The following FRMD3 variants were observed in gnomAD, a reference collection of about 807,000 sequenced individuals.
FRMD3 encodes the protein FERM domain containing 3.
Under a neutral mutation model 70.2 loss-of-function variants are expected in FRMD3, and 33 were observed. That is an observed-to-expected ratio of 0.47 (90% confidence interval 0.36 to 0.63). The LOEUF (loss-of-function observed/expected upper bound fraction) is 0.63, where lower values mean the gene tolerates loss of function less well. FRMD3 is among the 20% of genes least tolerant of loss of function. The probability of loss-of-function intolerance (pLI) is 0.00; values close to 1 mark genes in which losing one functional copy is unlikely to be tolerated. For synonymous variants in FRMD3, 279 were observed against 255.9 expected (o/e 1.09, Z -0.86); for missense variants, 632 against 711.4 (o/e 0.89, Z 1.27).
rs940332272 is a variant in FRMD3, at chr9:83,537,109, G to A, written c.147+976C>T. 6.6e-6 allele frequency among the ~76,000 whole-genome samples: 1 copy of A among 151,910 alleles called. No homozygotes were observed. The highest frequency in any genetic ancestry group is 6.6e-5 in the Admixed American group (1 of 15,242). ...GCGCACCGAGTGGGGCATCTTTGGG[G>A]TCCTGGAAGAGGGGCTCCCACCTGC... On this transcript the variant is annotated intron_variant, in intron 1 of 13. Transcript: ENST00000304195. This position sits in a 1 kb window ranked among gnomAD's most constrained non-coding sequence, Gnocchi z 4.1.
intron 13 of FRMD3, among the ~76,000 whole-genome samples, chr9:83,277,229 T>G (rs1833822888): frequency 6.6e-6 from 1 of 152,246 alleles, no homozygotes; most frequent in Non-Finnish European, 1.5e-5. Context: ...AAATAGCATC[T>G]CTAGTATATT....
upstream of FRMD3, among the ~76,000 whole-genome samples, chr9:83,541,303 C>G (rs938762661): frequency 1.3e-5 from 2 of 152,214 alleles, no homozygotes; most frequent in African/African-American, 4.8e-5. Flanking sequence ...TGAATCTGTC[C>G]ATTTGAATTC....
At chr9:83,272,935 T>TCTGCCCGGCAG (rs1833643765) in intron 13 of FRMD3, among the ~76,000 whole-genome samples, 1 of 146,414 alleles carries the variant, frequency 6.8e-6, no homozygotes, top group Non-Finnish European at 1.5e-5. Context: ...GAGGAGCCCC[T>TCTGCCCGGCAG]CCGCCCGGCA....
chr9:83,329,336 A>T (rs1360888366), intron 6 of FRMD3, among the ~76,000 whole-genome samples: 2 of 152,244 alleles, frequency 1.3e-5, no homozygotes, highest in African/African-American at 4.8e-5. Context: ...ACAGGGAGAG[A>T]GATCGATGAC....
At chr9:83,517,555 C>G (rs576857571) in intron 1 of FRMD3, among the ~76,000 whole-genome samples, 1 of 147,266 alleles carries the variant, frequency 6.8e-6, no homozygotes, top group South Asian at 2.2e-4. Flanking sequence ...CGAATTCTAC[C>G]AGAGGTACAA....
intron 1 of FRMD3, among the ~76,000 whole-genome samples, chr9:83,466,588 C>A (rs1177956588): frequency 2.0e-5 from 3 of 152,148 alleles, no homozygotes; most frequent in Non-Finnish European, 4.4e-5. Context: ...CCAAGTCACT[C>A]TCTCAGAGCC....
rs115441397 is a variant in FRMD3, at chr9:83,410,156, T to A, written c.148-20448A>T. On this transcript the variant is annotated intron_variant, in intron 1 of 13. Coordinates refer to ENST00000304195, the MANE Select transcript of FRMD3 (RefSeq NM_174938.6). ...CTTTTTAAATTAATTAATTTACTTT[T>A]AAAAATGATTTCCACATTTATTTTA... Among the ~76,000 whole-genome samples the A allele has an allele frequency of 4.0e-3, 605 of 152,360 alleles. 4 individuals are homozygous for A. The highest frequency in any genetic ancestry group is 0.014 in the African/African-American group (574 of 41,580).
intron 1 of FRMD3, among the ~76,000 whole-genome samples, chr9:83,391,699 A>G (rs1029653564): frequency 2.0e-5 from 3 of 152,192 alleles, no homozygotes; most frequent in African/African-American, 7.2e-5. Flanking sequence ...GACCCTTGAG[A>G]GAAGAAAATG....
chr9:83,366,337 G>A (rs1824784815), intron 3 of FRMD3, among the ~76,000 whole-genome samples: 1 of 152,150 alleles, frequency 6.6e-6, no homozygotes, highest in South Asian at 2.1e-4. Flanking sequence ...TTGGGAGGCT[G>A]AGGTGGGAGG....
chr9:83,264,208 C>T (rs1833121847), intron 13 of FRMD3, among the ~76,000 whole-genome samples: 3 of 152,126 alleles, frequency 2.0e-5, no homozygotes, highest in Admixed American at 1.3e-4. Context: ...AGAAGCCAGT[C>T]TGAAAAGACT....
rs142272516 is a variant in FRMD3, at chr9:83,536,930, T to TAAAAAAAAAAA, written c.147+1144_147+1154dup. Among the ~76,000 whole-genome samples, 79 of 60,884 alleles carry TAAAAAAAAAAA rather than the reference T, an allele frequency of 1.3e-3. 5 individuals carry two copies. Among genetic ancestry groups the TAAAAAAAAAAA allele is most frequent in the African/African-American group, 4.0e-3 (65 of 16,400 alleles). 39.9% of individuals were successfully genotyped at this position (60,884 alleles called of 152,430 possible). A position where few individuals can be genotyped will look rare whatever the true frequency, so the allele number is the denominator to read the frequency against. On this transcript the variant is annotated intron_variant, in intron 1 of 13. Transcript: ENST00000304195. ...ATGGGTGGTGTGCCCTGTATTACAC[T>TAAAAAAAAAAA]AAAAAAAAAAAAAAAAAAAAAAAGC...
At chr9:83,255,432 T>A (rs1189220116) in intron 13 of FRMD3, among the ~76,000 whole-genome samples, 1 of 152,104 alleles carries the variant, frequency 6.6e-6, no homozygotes, top group Non-Finnish European at 1.5e-5. Context: ...TCATACTAAA[T>A]AGGCAAAAGC....
chr9:83,256,684 A>G (rs957381246), intron 13 of FRMD3, among the ~76,000 whole-genome samples: 1 of 152,148 alleles, frequency 6.6e-6, no homozygotes, highest in Non-Finnish European at 1.5e-5. Flanking sequence ...AAAAAAACCC[A>G]TTAAAAAGTG....
At chr9:83,283,546 A>AATAAT (rs1554681491) in intron 13 of FRMD3, among the ~76,000 whole-genome samples, 6 of 25,906 alleles carry the variant, frequency 2.3e-4, no homozygotes, top group African/African-American at 3.4e-4. Flanking sequence ...AAAAAAAAAA[A>AATAAT]AATAATAATA....
intron 1 of FRMD3, among the ~76,000 whole-genome samples, chr9:83,441,130 C>T (rs1019410103): frequency 5.3e-5 from 8 of 152,176 alleles, no homozygotes; most frequent in African/African-American, 1.9e-4. Context: ...AACATTACAG[C>T]CCGAACAAGA....
At chr9:83,521,137 C>T (rs1829563210) in intron 1 of FRMD3, among the ~76,000 whole-genome samples, 1 of 151,024 alleles carries the variant, frequency 6.6e-6, no homozygotes, top group African/African-American at 2.4e-5. Flanking sequence ...AAGACTCCAT[C>T]TCAAAAAAAA....
At chr9:83,291,433 C>A (rs958861721) in intron 12 of FRMD3, among the ~76,000 whole-genome samples, 2 of 152,188 alleles carry the variant, frequency 1.3e-5, no homozygotes, top group African/African-American at 4.8e-5. Flanking sequence ...AGTCTGCCTG[C>A]AGGTGGATGT....
rs111764103 is a variant in FRMD3, at chr9:83,256,672, A to G, written c.1196-8156T>C. Among the ~76,000 whole-genome samples, 666 of 124,658 alleles carry G rather than the reference A, an allele frequency of 5.3e-3. 1 individual carries two copies. Among genetic ancestry groups the G allele is most frequent in the Middle Eastern group, 0.011 (3 of 266 alleles). The allele number at this position is 124,658 out of a possible 152,430, so 81.8% of individuals were successfully genotyped here. On this transcript the variant is annotated intron_variant, in intron 13 of 13. Transcript: ENST00000304195. ...GGAACTTAAACAAATTTATCAGGGG[A>G]AAAAAAAACCCATTAAAAAGTGGGC...
At chr9:83,387,458 G>A (rs533343761) in intron 2 of FRMD3, among the ~76,000 whole-genome samples, 7 of 152,282 alleles carry the variant, frequency 4.6e-5, no homozygotes, top group South Asian at 2.1e-4. Context: ...TCAGCAAGAC[G>A]AGGCTATAAT....
Sources: allele counts gnomAD v4.1 joint callset (sites outside exome capture counted in the v4.1 genomes callset), GRCh38; gene constraint gnomAD v4.1.1; non-coding constraint Gnocchi (gnomAD v3.1); transcripts MANE v1.5; gene names NCBI Gene and HGNC (gene_info 2026-07-23, HGNC 2026-07-21).